The following DERA variants were observed in gnomAD, a reference collection of about 807,000 sequenced individuals.
The protein encoded by DERA is deoxyribose-phosphate aldolase, also known as 2-deoxy-D-ribose 5-phosphate aldolase.
DERA carries 15 observed loss-of-function variants against 41.1 expected under a neutral mutation model. The observed-to-expected ratio is 0.37, with a 90% confidence interval of 0.24 to 0.56. The LOEUF (loss-of-function observed/expected upper bound fraction) is 0.56. DERA is among the 20% of genes least tolerant of loss of function. The pLI, the probability that DERA is intolerant of heterozygous loss-of-function variation, is 0.81. For missense variants in DERA, 396 were observed against 403.4 expected (o/e 0.98, Z 0.16); for synonymous variants, 139 against 137.4 (o/e 1.01, Z -0.08).
At chr12:15,961,423 C>G (rs954365019) in intron 4 of DERA, among the ~76,000 whole-genome samples, 1 of 151,964 alleles carries the variant, frequency 6.6e-6, no homozygotes, top group African/African-American at 2.4e-5. Flanking sequence ...ATCTGTGATC[C>G]CAACACTTTG....
intron 1 of DERA, chr12:15,956,559 T>G: frequency 8.3e-6 from 3 of 363,256 alleles, no homozygotes; most frequent in South Asian, 6.4e-5. Flanking sequence ...TCTCCTGGGC[T>G]GGACACTCAC....
At chr12:15,978,570 A>G (rs1264000450) in intron 5 of DERA, among the ~76,000 whole-genome samples, 2 of 152,190 alleles carry the variant, frequency 1.3e-5, no homozygotes, top group African/African-American at 4.8e-5. Flanking sequence ...TGTTTACACA[A>G]CTAGCAAGTA....
In DERA at chr12:16,017,754, G is replaced by A. The variant is rs866994937; in HGVS notation, c.638-14788G>A. On this transcript the variant is annotated intron_variant, in intron 6 of 8. Coordinates refer to ENST00000428559, the MANE Select transcript of DERA (RefSeq NM_015954.4). This position sits in a 1 kb window ranked among gnomAD's most constrained non-coding sequence, Gnocchi z 5.5. The stretch of plus-strand genomic sequence containing the variant: ...CAGATTGCAAGTATAAGTTAGTGTC[G>A]GAATTACCATACGAAACTCTCTTTC... 6.6e-6 allele frequency among the ~76,000 whole-genome samples: 1 copy of A among 151,982 alleles called. No individual in the cohort carries two copies. The highest frequency in any genetic ancestry group is 1.5e-5 in the Non-Finnish European group (1 of 67,994).
chr12:15,958,664 G>A (rs964855449), intron 3 of DERA, among the ~76,000 whole-genome samples: 3 of 151,900 alleles, frequency 2.0e-5, no homozygotes, highest in Non-Finnish European at 2.9e-5. Context: ...CTAGCCATAC[G>A]TGAAAAAGCC....
In DERA at chr12:15,940,581, G is replaced by T. The variant is rs1021301655; in HGVS notation, c.32-16355G>T. Reference sequence around the variant, plus strand: ...TTAGCCAAGATGGTCTTGATCTCCTGACCTCGTGATCTGCCCTCCTCGACC... The same window carrying T: ...TTAGCCAAGATGGTCTTGATCTCCTTACCTCGTGATCTGCCCTCCTCGACC... On this transcript the variant is annotated intron_variant, in intron 1 of 8. Transcript: ENST00000428559. The surrounding 1 kb of genome is among the most constrained non-coding windows in gnomAD (Gnocchi z 5.1). Among the ~76,000 whole-genome samples the T allele has an allele frequency of 4.6e-5, 7 of 152,124 alleles. No homozygotes were observed. The highest frequency in any genetic ancestry group is 1.0e-4 in the Non-Finnish European group (7 of 68,032).
At position 15,972,614 on chromosome 12, in the gene DERA, C is replaced by T. The variant is rs902979617; in HGVS notation, c.508+9667C>T. Reference sequence around the variant, plus strand: ...CATGATGTGTCCCAGGGGCATTTCACGCATAGTGCAGAAGTCGGGGACCTC... The same window carrying T: ...CATGATGTGTCCCAGGGGCATTTCATGCATAGTGCAGAAGTCGGGGACCTC... On this transcript the variant is annotated intron_variant, in intron 5 of 8. Coordinates refer to ENST00000428559, the MANE Select transcript of DERA (RefSeq NM_015954.4). The surrounding 1 kb of genome is among the most constrained non-coding windows in gnomAD (Gnocchi z 4.4). The T allele has an allele frequency of 2.2e-5, 4 of 180,696 alleles. No homozygotes were observed. Among genetic ancestry groups the T allele is most frequent in the African/African-American group, 4.7e-5 (2 of 42,624 alleles). The allele number at this position is 180,696 out of a possible 1,614,324, so 11.2% of individuals were successfully genotyped here.
At chr12:16,023,745 G>A (rs1288792767) in intron 6 of DERA, among the ~76,000 whole-genome samples, 1 of 152,064 alleles carries the variant, frequency 6.6e-6, no homozygotes, top group African/African-American at 2.4e-5. Flanking sequence ...CCAAAGTGCT[G>A]GGATTACAGG....
At chr12:15,969,014 C>T (rs79969112) in intron 5 of DERA, among the ~76,000 whole-genome samples, 8 of 152,154 alleles carry the variant, frequency 5.3e-5, no homozygotes, top group Admixed American at 5.2e-4. Context: ...ATTTTTACAA[C>T]CCTTTAGAGC....
In DERA at chr12:16,020,400, A is replaced by G. The variant is rs756241592; in HGVS notation, c.638-12142A>G. ...CCATGATCCAATCTCTTCCTACCAG[A>G]GACACCTGAACATTGGGGTGGGGGT... On this transcript the variant is annotated intron_variant, in intron 6 of 8. Transcript: ENST00000428559. This position sits in a 1 kb window ranked among gnomAD's most constrained non-coding sequence, Gnocchi z 5.5. Among the ~76,000 whole-genome samples, 8 of 152,192 alleles carry G rather than the reference A, an allele frequency of 5.3e-5. No homozygotes were observed. Among genetic ancestry groups the G allele is most frequent in the Non-Finnish European group, 1.2e-4 (8 of 68,032 alleles).
intron 1 of DERA, among the ~76,000 whole-genome samples, chr12:15,923,569 A>G (rs908264752): frequency 6.6e-6 from 1 of 152,060 alleles, no homozygotes; most frequent in Admixed American, 6.6e-5. Flanking sequence ...TAGACACATT[A>G]TATTTTCTCT....
chr12:16,002,068 T>C (rs1276409574), intron 6 of DERA, among the ~76,000 whole-genome samples: 2 of 152,084 alleles, frequency 1.3e-5, no homozygotes, highest in African/African-American at 4.8e-5. Context: ...TGTGCCATGT[T>C]GGTGTGCTGC....
rs1227218630 is a variant in DERA, at chr12:15,965,334, G to A, written c.508+2387G>A. Among the ~76,000 whole-genome samples the A allele has an allele frequency of 1.3e-5, 2 of 152,148 alleles. No homozygotes were observed. The highest frequency in any genetic ancestry group is 3.9e-4 in the East Asian group (2 of 5,184). On this transcript the variant is annotated intron_variant, in intron 5 of 8. Transcript: ENST00000428559. This position sits in a 1 kb window ranked among gnomAD's most constrained non-coding sequence, Gnocchi z 4.1. ...GTTCTGGGGTACATGTGCAGAATGT[G>A]CAGGTTTGTTGCATAGGTAAACGTG...
At chr12:15,919,272 TA>T (rs940848562) in intron 1 of DERA, among the ~76,000 whole-genome samples, 2 of 151,734 alleles carry the variant, frequency 1.3e-5, no homozygotes, top group African/African-American at 4.8e-5. Flanking sequence ...TTTTTTTTTT[TA>T]AAAAGCATCT....
At chr12:15,949,493 T>A (rs7969634) in intron 1 of DERA, among the ~76,000 whole-genome samples, 1 of 152,026 alleles carries the variant, frequency 6.6e-6, no homozygotes, top group Non-Finnish European at 1.5e-5. Context: ...TGGGACCCTC[T>A]GAGCCGGGCG....
chr12:15,939,184 G>A (rs1184075041), intron 1 of DERA, among the ~76,000 whole-genome samples: 1 of 152,160 alleles, frequency 6.6e-6, no homozygotes, highest in Non-Finnish European at 1.5e-5. Flanking sequence ...TAATGTCCCA[G>A]CAGAGCCCAG....
chr12:15,998,112 G>A lies in DERA; in HGVS notation c.637+15676G>A, dbSNP rs11838235. 0.065 allele frequency among the ~76,000 whole-genome samples: 9,949 copies of A among 152,176 alleles called. 1,043 individuals are homozygous for A. Among genetic ancestry groups the A allele is most frequent in the African/African-American group, 0.22 (9,160 of 41,474 alleles). ...CTGGGCTGCACATTAGAGTTTCCTG[G>A]CAAGCTTCTTTAATGAACTGTTGCA... On this transcript the variant is annotated intron_variant, in intron 6 of 8. Coordinates refer to ENST00000428559, the MANE Select transcript of DERA (RefSeq NM_015954.4). The surrounding 1 kb of genome is among the most constrained non-coding windows in gnomAD (Gnocchi z 4.8).
In DERA at chr12:16,036,860, C is replaced by T. The variant is rs563339873; in HGVS notation, c.*114C>T. 5.9e-4 allele frequency: 449 copies of T among 760,274 alleles called. 13 individuals are homozygous for T. The South Asian group carries it at 7.4e-3, about 12-fold the overall frequency. 47.1% of individuals were successfully genotyped at this position (760,274 alleles called of 1,614,324 possible). ...TGGGCAGTAGGTAACTGGCATTCCT[C>T]TCTTTAAAATTTCTACCGAACTTAA... is the stretch of plus-strand genomic sequence containing the variant. On this transcript the variant is annotated 3_prime_UTR_variant, in exon 9 of 9. Transcript: ENST00000428559. The surrounding 1 kb of genome is among the most constrained non-coding windows in gnomAD (Gnocchi z 4.9).
In DERA at chr12:15,957,083, C is replaced by T. The variant is rs1268675713; in HGVS notation, c.129+50C>T. The T allele has an allele frequency of 7.1e-7, 1 of 1,403,516 alleles. No individual in the cohort carries two copies. Among genetic ancestry groups the T allele is most frequent in the East Asian group, 2.3e-5 (1 of 43,586 alleles). The allele number at this position is 1,403,516 out of a possible 1,614,324, so 86.9% of individuals were successfully genotyped here. The stretch of plus-strand genomic sequence containing the variant: ...GTGCCTGTATTTTACAATGCATGGT[C>T]TCTTCCCTCAAGGCCACAATATTGA... On this transcript the variant is annotated intron_variant, in intron 2 of 8. Coordinates refer to ENST00000428559, the MANE Select transcript of DERA (RefSeq NM_015954.4). The surrounding 1 kb of genome is among the most constrained non-coding windows in gnomAD (Gnocchi z 4.8).
In DERA at chr12:16,020,337, C is replaced by T. The variant is rs1949010063; in HGVS notation, c.638-12205C>T. On this transcript the variant is annotated intron_variant, in intron 6 of 8. Coordinates refer to ENST00000428559, the MANE Select transcript of DERA (RefSeq NM_015954.4). This position sits in a 1 kb window ranked among gnomAD's most constrained non-coding sequence, Gnocchi z 5.5. ...TAAACCACCAGATCTCATATTAACTCACTATTGCGAGAACAGCACGAAAGG... is the reference window on the plus strand; with the variant it reads ...TAAACCACCAGATCTCATATTAACTTACTATTGCGAGAACAGCACGAAAGG... Among the ~76,000 whole-genome samples, 1 of 152,096 alleles carries T rather than the reference C, an allele frequency of 6.6e-6. No individual in the cohort carries two copies.
Sources: gnomAD v4.1 joint callset for allele counts (sites outside exome capture counted in the v4.1 genomes callset) on GRCh38, gnomAD v4.1.1 for gene constraint, Gnocchi (gnomAD v3.1) non-coding constraint, MANE v1.5 for transcripts, NCBI Gene and HGNC (gene_info 2026-07-23, HGNC 2026-07-21) for gene names.